ZNF500: variants seen among roughly 807,000 people sequenced by gnomAD.
The protein encoded by ZNF500 is zinc finger protein with KRAB and SCAN domains 18.
A neutral mutation model predicts 30.1 loss-of-function variants in ZNF500; 31 were observed. The ratio of observed to expected loss-of-function variants is 1.03; its 90% confidence interval spans 0.77 to 1.39. The LOEUF (loss-of-function observed/expected upper bound fraction) is 1.39, where lower values mean the gene tolerates loss of function less well. ZNF500 is among the 40% of genes most tolerant of loss of function. The pLI is 0.00. For synonymous variants in ZNF500, 392 were observed against 282.0 expected, an observed-to-expected ratio of 1.39 and a Z score of -3.91; for missense variants, 817 against 657.8, an observed-to-expected ratio of 1.24 and a Z score of -2.65.
intron 5 of ZNF500, among the ~76,000 whole-genome samples, chr16:4,755,254 C>T (rs1170238111): frequency 6.6e-6 from 1 of 152,226 alleles, no homozygotes; most frequent in East Asian, 1.9e-4. Context: ...CTCAGCCTCC[C>T]AAAGTGCTGA....
At chr16:4,765,454 C>G in intron 2 of ZNF500, 111 bp downstream of exon 2, 2 of 1,450,694 alleles carry the variant, frequency 1.4e-6, no homozygotes, top group Non-Finnish European at 1.9e-6. Context: ...CAAAAGGGCT[C>G]AGGGGCCAGG....
downstream of ZNF500, chr16:4,744,914 G>T (rs767482829): frequency 2.2e-5 from 35 of 1,613,694 alleles, no homozygotes; most frequent in Non-Finnish European, 2.7e-5. Context: ...GGAACAGCTG[G>T]CCCTCCTGTG....
chr16:4,762,298 G>C lies in ZNF500; in HGVS notation c.636C>G (p.Ala212=). Residue 212 remains alanine (A), a synonymous_variant, in exon 4 of 6, where the codon GCC becomes GCG. Coordinates refer to ENST00000219478, the MANE Select transcript of ZNF500 (RefSeq NM_021646.4). ...PAPRHQEMAS[A]SPFLSAWSQV... Reference sequence around the variant, plus strand: ...GGGACCAGGCCGAAAGGAAGGGCGAGGCTGACGCCATCTCCTGATGCCGGG... The same window carrying C: ...GGGACCAGGCCGAAAGGAAGGGCGACGCTGACGCCATCTCCTGATGCCGGG... The C allele has an allele frequency of 6.2e-7, 1 of 1,611,474 alleles. No individual in the cohort carries two copies. Among genetic ancestry groups the C allele is most frequent in the Non-Finnish European group, 8.5e-7 (1 of 1,178,936 alleles).
rs2082049408 is a variant in ZNF500, at chr16:4,748,692, G to C, written c.*3684C>G. 1 of 152,450 alleles carries C rather than the reference G, an allele frequency of 6.6e-6. No homozygotes were observed. The highest frequency in any genetic ancestry group is 1.5e-5 in the Non-Finnish European group (1 of 68,226). 9.4% of individuals were successfully genotyped at this position (152,450 alleles called of 1,614,324 possible). A position where few individuals can be genotyped will look rare whatever the true frequency, so the allele number is the denominator to read the frequency against. ...AACTGCTGTGATCAGCCCTGACCTGGGCACCTGTTTGTCTCCCCAACCTTG... is the reference window on the plus strand; with the variant it reads ...AACTGCTGTGATCAGCCCTGACCTGCGCACCTGTTTGTCTCCCCAACCTTG... On this transcript the variant is annotated 3_prime_UTR_variant, in exon 6 of 6. Transcript: ENST00000219478.
At chr16:4,762,534 C>A in intron 3 of ZNF500, 39 bp downstream of exon 3, 1 of 1,580,442 alleles carries the variant, frequency 6.3e-7, no homozygotes, top group Non-Finnish European at 8.6e-7. Flanking sequence ...CCTCCCTCCC[C>A]TGCACCACTT....
chr16:4,761,857 A>C (rs1223232105), intron 4 of ZNF500, among the ~76,000 whole-genome samples: 2 of 118,084 alleles, frequency 1.7e-5, no homozygotes, highest in East Asian at 4.4e-4. Context: ...CTTTGGCTCA[A>C]AACAAACAAA....
rs1172636716 is a variant in ZNF500 at position 4,752,672 on chromosome 16, A to G, written c.1147T>C (p.Cys383Arg). Reference sequence around the variant, plus strand: ...CTGAAGCGCTTCCCACACTCGGGGCACGGGTAGGGCTTCTCGCCTGTGTGC... The same window carrying G: ...CTGAAGCGCTTCCCACACTCGGGGCGCGGGTAGGGCTTCTCGCCTGTGTGC... Reference protein sequence around the residue: ...RVHTGEKPYPCPECGKRFSQS... With the variant: ...RVHTGEKPYPRPECGKRFSQS... The change falls in exon 6 of 6, where the codon TGC becomes CGC. Residue 383 changes from cysteine to arginine, a missense_variant. Cys to Arg is a radical substitution (Grantham distance 180). Transcript: ENST00000219478. The G allele has an allele frequency of 1.2e-6, 2 of 1,613,802 alleles. No homozygotes were observed. The highest frequency in any genetic ancestry group is 1.7e-5 in the Admixed American group (1 of 59,944).
rs2082257549 is a variant in ZNF500 at position 4,765,712 on chromosome 16, G to A, written c.267C>T (p.Ile89=). ...LRPELRTKEQ[I]LELLVLEQFL... ...ACTGCTCCAGCACCAGCAGCTCCAG[G>A]ATCTGCTCCTTGGTGCGCAGCTCCG... is the stretch of plus-strand genomic sequence containing the variant. Residue 89 remains isoleucine, a synonymous_variant, in exon 2 of 6, where the codon ATC becomes ATT. Transcript: ENST00000219478. 6.2e-7 allele frequency: 1 copy of A among 1,613,506 alleles called. No individual in the cohort carries two copies. Among genetic ancestry groups the A allele is most frequent in the East Asian group, 2.2e-5 (1 of 44,866 alleles).
intron 5 of ZNF500, among the ~76,000 whole-genome samples, chr16:4,759,776 C>T (rs1033936634): frequency 2.0e-5 from 3 of 152,092 alleles, no homozygotes; most frequent in African/African-American, 7.2e-5. Context: ...GTGGCTCACA[C>T]CTGTCATCCC....
chr16:4,762,609 T>C lies in ZNF500; in HGVS notation c.562A>G (p.Arg188Gly). 1 of 1,613,962 alleles carries C rather than the reference T, an allele frequency of 6.2e-7. No homozygotes were observed. Among genetic ancestry groups the C allele is most frequent in the Non-Finnish European group, 8.5e-7 (1 of 1,179,924 alleles). ...SQQPPAQLSH[R>G]PQRGPLLWPE... ...CACAACAGCGGGCCCCTCTGTGGCC[T>C]GTGGCTCAGCTGGGCTGGGGGCTGC... is the stretch of plus-strand genomic sequence containing the variant. The change falls in exon 3 of 6, where the codon AGG becomes GGG. Residue 188 changes from arginine (R) to glycine (G), a missense_variant. Physicochemically the swap from Arg to Gly is moderately radical, Grantham distance 125 (BLOSUM62 -2). Coordinates refer to ENST00000219478, the MANE Select transcript of ZNF500 (RefSeq NM_021646.4).
chr16:4,746,499 C>T, downstream of ZNF500: 1 of 1,613,668 alleles, frequency 6.2e-7, no homozygotes, highest in Non-Finnish European at 8.5e-7. Flanking sequence ...ACCAGACCAC[C>T]TGTCCCCAGA....
chr16:4,763,106 G>T (rs1353542151), intron 2 of ZNF500: 1 of 985,410 alleles, frequency 1.0e-6, no homozygotes, highest in Non-Finnish European at 1.2e-6. Context: ...TAGATTTTTT[G>T]AAATTATCTG....
intron 5 of ZNF500, 53 bp from the exon 6 acceptor site, chr16:4,753,111 A>G: frequency 6.7e-7 from 1 of 1,493,700 alleles, no homozygotes; most frequent in South Asian, 1.4e-5. Flanking sequence ...GGGCAAGGGA[A>G]ATCCTTCTAA....
At position 4,760,821 on chromosome 16, in the gene ZNF500, G is replaced by A. The variant is rs551808906; in HGVS notation, c.664-233C>T. 3.9e-5 allele frequency among the ~76,000 whole-genome samples: 6 copies of A among 152,228 alleles called. No homozygotes were observed. In the East Asian group the frequency reaches 5.8e-4, roughly 15 times the overall value. On this transcript the variant is annotated intron_variant, in intron 4 of 5. Transcript: ENST00000219478. Reference sequence around the variant, plus strand: ...ACACCACCGGAGAAGGGACAGATTCGCCACGAGGAGTGGTGGACCCACTGC... The same window carrying A: ...ACACCACCGGAGAAGGGACAGATTCACCACGAGGAGTGGTGGACCCACTGC...
downstream of ZNF500, chr16:4,746,808 G>C (rs1596488223): frequency 1.0e-6 from 1 of 966,964 alleles, no homozygotes; most frequent in Non-Finnish European, 1.5e-6. Context: ...CCGGCCTCCA[G>C]TGTGGCTGCT....
intron 2 of ZNF500, among the ~76,000 whole-genome samples, chr16:4,764,434 G>A (rs984234461): frequency 2.0e-5 from 3 of 151,972 alleles, no homozygotes; most frequent in Non-Finnish European, 2.9e-5. Context: ...GCTGAGGCAC[G>A]AGAATCACTC....
chr16:4,764,830 A>G (rs1020634510), intron 2 of ZNF500, among the ~76,000 whole-genome samples: 5 of 151,998 alleles, frequency 3.3e-5, no homozygotes, highest in African/African-American at 9.7e-5. Context: ...ACATAGCTAT[A>G]ATTTAAAAAG....
In ZNF500 at chr16:4,749,254, C is replaced by T. The variant is rs967291784; in HGVS notation, c.*3122G>A. The T allele has an allele frequency of 4.5e-5, 7 of 154,478 alleles. No homozygotes were observed. In the East Asian group the frequency reaches 5.8e-4, roughly 13 times the overall value. 9.6% of individuals were successfully genotyped at this position (154,478 alleles called of 1,614,324 possible). On this transcript the variant is annotated 3_prime_UTR_variant, in exon 6 of 6. Transcript: ENST00000219478. ...GCTGCCCTCGCAGCCTGGCGGCCTC[C>T]GCTGTGGCTGCCTAGCTGTCAAGAG...
chr16:4,754,524 G>C lies in ZNF500; in HGVS notation c.761-1466C>G, dbSNP rs535535218. On this transcript the variant is annotated intron_variant, in intron 5 of 5. Coordinates refer to ENST00000219478, the MANE Select transcript of ZNF500 (RefSeq NM_021646.4). ...ATTAAAAATAAAAAAATTAGTTGGG[G>C]GTAGTGGTGGGTGCCTGTAATCCCA... is the stretch of plus-strand genomic sequence containing the variant. Among the ~76,000 whole-genome samples the C allele has an allele frequency of 8.3e-4, 126 of 151,950 alleles. 1 individual carries two copies. The highest frequency in any genetic ancestry group is 8.8e-5 in the Non-Finnish European group (6 of 67,966).
Sources: gnomAD v4.1 joint callset for allele counts (sites outside exome capture counted in the v4.1 genomes callset) on GRCh38, gnomAD v4.1.1 for gene constraint, MANE v1.5 for transcripts, NCBI Gene and HGNC (gene_info 2026-07-23, HGNC 2026-07-21) for gene names.